The following CHADL variants were observed in gnomAD, a reference collection of about 807,000 sequenced individuals.
CHADL encodes chondroadherin like, also known as chondroadherin-like protein.
A neutral mutation model predicts 52.1 loss-of-function variants in CHADL; 48 were observed. That is an observed-to-expected ratio of 0.92 (90% CI 0.73 to 1.17). The LOEUF (loss-of-function observed/expected upper bound fraction) is 1.17. CHADL is among the 50% of genes most tolerant of loss of function. The probability of loss-of-function intolerance (pLI) is 0.00; values close to 1 mark genes in which losing one functional copy is unlikely to be tolerated. For missense variants in CHADL, 977 were observed against 1,035.1 expected (o/e 0.94, Z 0.77); for synonymous variants, 498 against 511.2 (o/e 0.97, Z 0.35).
rs372714796 is a variant in CHADL at position 41,230,079 on chromosome 22, G to GC, written c.2263-350dup. The GC allele has an allele frequency of 8.6e-5, 46 of 532,726 alleles. 1 individual carries two copies. Among genetic ancestry groups the GC allele is most frequent in the Middle Eastern group, 4.3e-4 (1 of 2,314 alleles). 33.0% of individuals were successfully genotyped at this position (532,726 alleles called of 1,614,324 possible). A position where few individuals can be genotyped will look rare whatever the true frequency, so the allele number is the denominator to read the frequency against. ...GCCAGGTCCCTTTCCCAGCTCCTCC[G>GC]CCCCCACCCCTCCCAGAGTTATTTA... On this transcript the variant is annotated intron_variant, in intron 5 of 5. Coordinates refer to ENST00000216241, the MANE Select transcript of CHADL (RefSeq NM_138481.2).
chr22:41,232,263 C>T lies in CHADL; in HGVS notation c.2263-2533G>A, dbSNP rs5751070. ...AGGAGAATCACTTGAACCTGGGGGG[C>T]GGAGGTGGCAATGAGCCGAGATTGC... On this transcript the variant is annotated intron_variant, in intron 5 of 5. Transcript: ENST00000216241. Among the ~76,000 whole-genome samples, 1,873 of 149,970 alleles carry T rather than the reference C, an allele frequency of 0.012. 317 individuals are homozygous for T. In the East Asian group the frequency reaches 0.32, roughly 26 times the overall value.
intron 3 of CHADL, 57 bp from the exon 4 acceptor site, chr22:41,236,707 A>C (rs1359545373): frequency 5.5e-6 from 8 of 1,461,424 alleles, no homozygotes; most frequent in Non-Finnish European, 7.3e-6. Flanking sequence ...CCCACCCCCA[A>C]GTCTGGAAGG....
chr22:41,236,374 C>T, intron 4 of CHADL, 110 bp downstream of exon 4: 1 of 1,002,726 alleles, frequency 1.0e-6, no homozygotes, highest in South Asian at 1.6e-5. Flanking sequence ...CCGCCCCTCC[C>T]CACAAGCTGC....
chr22:41,230,260 G>T lies in CHADL; in HGVS notation c.2263-530C>A, dbSNP rs756455826. On this transcript the variant is annotated intron_variant, in intron 5 of 5. Coordinates refer to ENST00000216241, the MANE Select transcript of CHADL (RefSeq NM_138481.2). ...AGGAAACAGACGACTGAGCCTTCCT[G>T]CCTCCAGCCTGGCTTCTAGCTGGAA... is the stretch of plus-strand genomic sequence containing the variant. The T allele has an allele frequency of 1.2e-5, 20 of 1,606,914 alleles. No individual in the cohort carries two copies. The East Asian group carries it at 2.5e-4, about 20-fold the overall frequency.
At position 41,237,857 on chromosome 22, in the gene CHADL, C is replaced by G. The variant is rs1375644123; in HGVS notation, c.1215G>C (p.Glu405Asp). Residue 405 changes from glutamate (E) to aspartate (D), a missense_variant, in exon 3 of 6, where the codon GAG (glutamate) becomes GAC (aspartate). By Grantham distance (45) the Glu-to-Asp change is conservative. Transcript: ENST00000216241. Reference sequence around the variant, plus strand: ...AGCCCTCGCAGCTGCTGTGCCGGGACTCGGGGACGCACACGCAGGCGCGAG... The same window carrying G: ...AGCCCTCGCAGCTGCTGTGCCGGGAGTCGGGGACGCACACGCAGGCGCGAG... ...PCPRACVCVP[E>D]SRHSSCEGCG... is the part of the protein sequence containing the mutation. The G allele has an allele frequency of 1.5e-6, 2 of 1,372,164 alleles. No homozygotes were observed. Among genetic ancestry groups the G allele is most frequent in the Non-Finnish European group, 1.9e-6 (2 of 1,062,576 alleles). 85.0% of individuals were successfully genotyped at this position (1,372,164 alleles called of 1,614,324 possible). A position where few individuals can be genotyped will look rare whatever the true frequency, so the allele number is the denominator to read the frequency against.
chr22:41,237,630 G>A lies in CHADL; in HGVS notation c.1442C>T (p.Ser481Phe). Residue 481 changes from serine (S) to phenylalanine (F), a missense_variant, in exon 3 of 6, where the codon TCC becomes TTC. By Grantham distance (155) the Ser-to-Phe change is radical. Transcript: ENST00000216241. Reference protein sequence around the residue: ...GLGRLIYLYLSDNQLAGLSAA... With the variant: ...GLGRLIYLYLFDNQLAGLSAA... Reference sequence around the variant, plus strand: ...GCTGAGGCCTGCGAGCTGGTTGTCGGAGAGGTACAGGTAGATCAGGCGGCC... The same window carrying A: ...GCTGAGGCCTGCGAGCTGGTTGTCGAAGAGGTACAGGTAGATCAGGCGGCC... 6.4e-7 allele frequency: 1 copy of A among 1,550,392 alleles called. No homozygotes were observed. The highest frequency in any genetic ancestry group is 8.7e-7 in the Non-Finnish European group (1 of 1,146,870).
chr22:41,232,170 A>C (rs930941455), intron 5 of CHADL, among the ~76,000 whole-genome samples: 1 of 151,682 alleles, frequency 6.6e-6, no homozygotes, highest in Non-Finnish European at 1.5e-5. Flanking sequence ...GTCTCTACTA[A>C]AAATACAAAA....
rs762394500 is a variant in CHADL at position 41,237,347 on chromosome 22, G to A, written c.1725C>T (p.His575=). 2 of 1,550,538 alleles carry A rather than the reference G, an allele frequency of 1.3e-6. No individual in the cohort carries two copies. Among genetic ancestry groups the A allele is most frequent in the Non-Finnish European group, 1.7e-6 (2 of 1,146,966 alleles). The stretch of plus-strand genomic sequence containing the variant: ...CCTCTCGCAGCTGATTCCTGTCCAG[G>A]TGCAGCTTCTCCAGCTCCCGAGCTG... ...LGPARELEKL[H]LDRNQLREVP... Residue 575 remains histidine (H), a synonymous_variant, in exon 3 of 6, where the codon CAC becomes CAT. Coordinates refer to ENST00000216241, the MANE Select transcript of CHADL (RefSeq NM_138481.2).
At chr22:41,240,760 G>A in intron 1 of CHADL, 114 bp downstream of exon 1, 1 of 1,289,392 alleles carries the variant, frequency 7.8e-7, no homozygotes, top group Admixed American at 2.2e-5. Context: ...ACCCCAGGAA[G>A]TCCCCAGAGC....
Position 41,237,814 on chromosome 22 carries a change from G to A in CHADL, c.1258C>T (p.Pro420Ser). The change falls in exon 3 of 6, where the codon CCC becomes TCC. Residue 420 changes from proline (P) to serine (S), a missense_variant. Transcript: ENST00000216241. ...TGGGTGTCGCTGGGGAAGCCGCGGG[G>A]CACCGCCTGCAGGCCGCAGCCCTCG... is the stretch of plus-strand genomic sequence containing the variant. ...SCEGCGLQAV[P>S]RGFPSDTQLL... The A allele has an allele frequency of 1.4e-6, 2 of 1,418,138 alleles. No individual in the cohort carries two copies. Among genetic ancestry groups the A allele is most frequent in the Admixed American group, 2.6e-5 (1 of 39,182 alleles). 87.8% of individuals were successfully genotyped at this position (1,418,138 alleles called of 1,614,324 possible). A position where few individuals can be genotyped will look rare whatever the true frequency, so the allele number is the denominator to read the frequency against.
At chr22:41,235,462 G>A (rs2032724448) in intron 4 of CHADL, 119 bp from the exon 5 acceptor site, 3 of 742,726 alleles carry the variant, frequency 4.0e-6, no homozygotes, top group East Asian at 5.4e-5. Flanking sequence ...GCCACAGGCA[G>A]CATGCATTCA....
rs2032673396 is a variant in CHADL, at chr22:41,233,463, A to AG, written c.2262+1681dup. Among the ~76,000 whole-genome samples, 3 of 152,206 alleles carry AG rather than the reference A, an allele frequency of 2.0e-5. No individual in the cohort carries two copies. In the South Asian group the frequency reaches 6.2e-4, roughly 32 times the overall value. On this transcript the variant is annotated intron_variant, in intron 5 of 5. Transcript: ENST00000216241. ...GGCAACAAGAGCAAAACTCCATCTCAGAAAAAAAAAGGGGGGGTGGAATTT... is the reference window on the plus strand; with the variant it reads ...GGCAACAAGAGCAAAACTCCATCTCAGGAAAAAAAAAGGGGGGGTGGAATTT...
chr22:41,237,138 G>A (rs555086402), intron 3 of CHADL, 38 bp downstream of exon 3: 12 of 1,497,994 alleles, frequency 8.0e-6, no homozygotes, highest in South Asian at 6.4e-5. Context: ...GCCTTGTGCC[G>A]CCTCCTGCAC....
At position 41,238,514 on chromosome 22, in the gene CHADL, C is replaced by T. The variant is rs1484837257; in HGVS notation, c.558G>A (p.Trp186Ter). The T allele has an allele frequency of 6.5e-7, 1 of 1,542,146 alleles. No homozygotes were observed. The highest frequency in any genetic ancestry group is 1.2e-5 in the South Asian group (1 of 83,862). The change falls in exon 3 of 6, where the codon TGG (tryptophan) becomes TGA (stop). Residue 186 changes from tryptophan to a stop codon, truncating the protein, a stop_gained. Transcript: ENST00000216241. LOFTEE classifies it high-confidence loss of function. This position sits in a 1 kb window ranked among gnomAD's most constrained non-coding sequence, Gnocchi z 4.9. ...MAFQGLLRVR[W>*]LRLSHNALSV... is the part of the protein sequence containing the mutation. Reference sequence around the variant, plus strand: ...TGAGCGCGTTGTGCGACAGCCGCAGCCAGCGGACGCGCAGTAGCCCCTGGA... The same window carrying T: ...TGAGCGCGTTGTGCGACAGCCGCAGTCAGCGGACGCGCAGTAGCCCCTGGA...
chr22:41,230,245 C>T lies in CHADL; in HGVS notation c.2263-515G>A, dbSNP rs200802544. 3.4e-5 allele frequency: 55 copies of T among 1,612,992 alleles called. No homozygotes were observed. In the Middle Eastern group the frequency reaches 4.9e-4, roughly 15 times the overall value. ...TCGAGAACATCAAGCAGGAAACAGA[C>T]GACTGAGCCTTCCTGCCTCCAGCCT... On this transcript the variant is annotated intron_variant, in intron 5 of 5. Coordinates refer to ENST00000216241, the MANE Select transcript of CHADL (RefSeq NM_138481.2).
Position 41,229,705 on chromosome 22 carries a change from C to T in CHADL, c.2288G>A (p.Ter763=), listed in dbSNP as rs775901638. Reference sequence around the variant, plus strand: ...AGGCAGGACCAGCCTGCTCCGTGCTCAGAGACGACCCTTCTCCTTCCCCAC... The same window carrying T: ...AGGCAGGACCAGCCTGCTCCGTGCTTAGAGACGACCCTTCTCCTTCCCCAC... ...DKVGKEKGRL[*] is the part of the protein sequence containing the mutation. The change falls in exon 6 of 6, where the codon TGA becomes TAA. Residue 763 remains the stop codon, a stop_retained_variant. Transcript: ENST00000216241. 2.5e-6 allele frequency: 4 copies of T among 1,612,396 alleles called. No individual in the cohort carries two copies. The highest frequency in any genetic ancestry group is 3.4e-6 in the Non-Finnish European group (4 of 1,179,966).
At chr22:41,239,802 CTATGA>C (rs1322011042) in intron 1 of CHADL, among the ~76,000 whole-genome samples, 182 bp from the exon 2 acceptor site, 1 of 152,210 alleles carries the variant, frequency 6.6e-6, no homozygotes, top group African/African-American at 2.4e-5. Context: ...AGTGGAGGTC[CTATGA>C]TTAGTCCTGT....
At chr22:41,230,089 C>CCCCCCCCCCT in intron 5 of CHADL, 3 of 873,242 alleles carry the variant, frequency 3.4e-6, no homozygotes, top group South Asian at 1.6e-5. Context: ...GCCCCCACCC[C>CCCCCCCCCCT]TCCCAGAGTT....
At chr22:41,236,949 T>A (rs1216549906) in intron 3 of CHADL, among the ~76,000 whole-genome samples, 1 of 152,180 alleles carries the variant, frequency 6.6e-6, no homozygotes, top group African/African-American at 2.4e-5. Context: ...AATTCCTCCC[T>A]CCTCTATGCT....
Sources: allele counts gnomAD v4.1 joint callset (sites outside exome capture counted in the v4.1 genomes callset), GRCh38; gene constraint gnomAD v4.1.1; non-coding constraint Gnocchi (gnomAD v3.1); transcripts MANE v1.5; gene names NCBI Gene and HGNC (gene_info 2026-07-23, HGNC 2026-07-21).